TFB2M: variants seen among roughly 807,000 people sequenced by gnomAD.
The protein encoded by TFB2M is transcription factor B2, mitochondrial.
In TFB2M, 44 loss-of-function variants were observed where a neutral mutation model predicts 41.3. The observed-to-expected ratio is 1.07, with a 90% CI of 0.84 to 1.37. The LOEUF (loss-of-function observed/expected upper bound fraction) is 1.37, where lower values mean the gene tolerates loss of function less well. TFB2M is among the 40% of genes most tolerant of loss of function. The pLI, the probability that TFB2M is intolerant of heterozygous loss-of-function variation, is 0.00. For synonymous variants in TFB2M, 188 were observed against 176.8 expected (o/e 1.06, Z -0.50); for missense variants, 496 against 490.2 (o/e 1.01, Z -0.11).
At chr1:246,556,066 C>A (rs181460679) in intron 4 of TFB2M, among the ~76,000 whole-genome samples, 1 of 152,166 alleles carries the variant, frequency 6.6e-6, no homozygotes, top group African/African-American at 2.4e-5. Context: ...GCTGGGATTA[C>A]AGGAGTGAGC....
chr1:246,548,452 A>C lies in TFB2M; in HGVS notation c.858+93T>G. On this transcript the variant is annotated intron_variant, in intron 6 of 7. Transcript: ENST00000366514. ...GTTTCTAGATATTTTAAAATTAAAAAGTTAAATACAGACTACCAAATAGTC... is the reference window on the plus strand; with the variant it reads ...GTTTCTAGATATTTTAAAATTAAAACGTTAAATACAGACTACCAAATAGTC... The C allele has an allele frequency of 6.8e-6, 7 of 1,033,920 alleles. No individual in the cohort carries two copies. In the South Asian group the frequency reaches 1.1e-4, roughly 17 times the overall value. 64.0% of individuals were successfully genotyped at this position (1,033,920 alleles called of 1,614,324 possible). A position where few individuals can be genotyped will look rare whatever the true frequency, so the allele number is the denominator to read the frequency against.
intron 3 of TFB2M, 69 bp downstream of exon 3, chr1:246,557,312 A>C (rs1659349268): frequency 6.7e-7 from 1 of 1,486,296 alleles, no homozygotes; most frequent in Admixed American, 2.3e-5. Context: ...TTTCATCAAC[A>C]AATCAGTTAT....
At chr1:246,552,363 G>A (rs1254322877) in intron 4 of TFB2M, among the ~76,000 whole-genome samples, 1 of 152,200 alleles carries the variant, frequency 6.6e-6, no homozygotes, top group Admixed American at 6.5e-5. Flanking sequence ...CTCATAGCGA[G>A]ATCAAGGTTG....
In TFB2M at chr1:246,551,296, T is replaced by C; in HGVS notation, c.712A>G (p.Met238Val). Residue 238 changes from methionine to valine, a missense_variant, in exon 5 of 8, where the codon ATG (methionine) becomes GTG (valine). Coordinates refer to ENST00000366514, the MANE Select transcript of TFB2M (RefSeq NM_022366.3). ...AAGTCTGGATTTCCGGGATCTGCCA[T>C]TAGTTTCTAGTAAAAGGAAAATAAA... The part of the protein sequence containing the change: ...FIGEKEFQKL[M>V]ADPGNPDLYH... The C allele has an allele frequency of 6.2e-7, 1 of 1,610,032 alleles. No individual in the cohort carries two copies. Among genetic ancestry groups the C allele is most frequent in the South Asian group, 1.1e-5 (1 of 90,962 alleles).
In TFB2M at chr1:246,557,382, TG is replaced by T; in HGVS notation, c.554del (p.Ala185GlufsTer5). On this transcript the variant is annotated frameshift_variant and splice_region_variant, in exon 3 of 8. Coordinates refer to ENST00000366514, the MANE Select transcript of TFB2M (RefSeq NM_022366.3). LOFTEE classifies it high-confidence loss of function. ...GCTTTAGTAAATTCCAAAAATGACC[TG>T]CTGTCCAAGGAACTGCTTCTATTCC... is the stretch of plus-strand genomic sequence containing the variant. ...NLGIEAVPWT[A>X]DIPLKVVGMF... 1 of 1,609,406 alleles carries T rather than the reference TG, an allele frequency of 6.2e-7. No homozygotes were observed. Among genetic ancestry groups the T allele is most frequent in the Admixed American group, 1.7e-5 (1 of 58,698 alleles).
chr1:246,563,361 TG>T (rs1420002148), intron 2 of TFB2M, among the ~76,000 whole-genome samples: 3 of 152,116 alleles, frequency 2.0e-5, no homozygotes, highest in African/African-American at 7.2e-5. Flanking sequence ...CCCAGCACTT[TG>T]GGAGGCCAAG....
Position 246,565,910 on chromosome 1 carries a change from C to A in TFB2M, c.229G>T (p.Asp77Tyr), listed in dbSNP as rs1659650645. Residue 77 changes from aspartate to tyrosine, a missense_variant, in exon 1 of 8, where the codon GAT becomes TAT. By Grantham distance (160) the Asp-to-Tyr change is radical. Transcript: ENST00000366514. Reference sequence around the variant, plus strand: ...GCCAGGGTCTCAGCCAATCTCCGATCGGTTACGTAACGCTTAAAGTCTAAG... The same window carrying A: ...GCCAGGGTCTCAGCCAATCTCCGATAGGTTACGTAACGCTTAAAGTCTAAG... ...ASLDFKRYVT[D>Y]RRLAETLAQI... 2.5e-6 allele frequency: 4 copies of A among 1,613,744 alleles called. No homozygotes were observed. The South Asian group carries it at 4.4e-5, about 18-fold the overall frequency.
chr1:246,556,866 G>A, intron 3 of TFB2M, 145 bp from the exon 4 acceptor site: 1 of 717,508 alleles, frequency 1.4e-6, no homozygotes, highest in Non-Finnish European at 2.1e-6. Flanking sequence ...ATCTTTCCTT[G>A]GCATGAAACT....
intron 6 of TFB2M, among the ~76,000 whole-genome samples, chr1:246,545,487 G>C (rs1203586616): frequency 6.6e-6 from 1 of 151,880 alleles, no homozygotes; most frequent in African/African-American, 2.4e-5. Flanking sequence ...TGCACTCAAG[G>C]CTGGTTGACA....
intron 2 of TFB2M, among the ~76,000 whole-genome samples, chr1:246,558,447 C>A (rs557170938): frequency 6.6e-6 from 1 of 152,136 alleles, no homozygotes; most frequent in South Asian, 2.1e-4. Context: ...GCACCCGGCC[C>A]CACTTACTTT....
intron 7 of TFB2M, among the ~76,000 whole-genome samples, chr1:246,542,014 C>T (rs1270904892): frequency 6.6e-6 from 1 of 152,120 alleles, no homozygotes; most frequent in African/African-American, 2.4e-5. Flanking sequence ...GTGATATAGC[C>T]TATTACAGAC....
chr1:246,558,936 CA>C (rs1299074767), intron 2 of TFB2M, among the ~76,000 whole-genome samples: 2 of 151,044 alleles, frequency 1.3e-5, no homozygotes, highest in African/African-American at 4.9e-5. Flanking sequence ...AAAAAAAAAT[CA>C]GTAAGAAGGC....
chr1:246,543,882 C>T (rs1472655883), intron 7 of TFB2M, among the ~76,000 whole-genome samples: 1 of 151,742 alleles, frequency 6.6e-6, no homozygotes, highest in Non-Finnish European at 1.5e-5. Context: ...CCCAGCTACT[C>T]AGGAGGCTGA....
Position 246,541,129 on chromosome 1 carries a change from T to A in TFB2M, c.1093A>T (p.Met365Leu), listed in dbSNP as rs1298493905. Residue 365 changes from methionine to leucine, a missense_variant, in exon 8 of 8, where the codon ATG becomes TTG. Physicochemically the swap from Met to Leu is conservative, Grantham distance 15. Coordinates refer to ENST00000366514, the MANE Select transcript of TFB2M (RefSeq NM_022366.3). ...AGTGTTTTGAAGTCTTGAGGGTGCATGTTAACTACTTTCTCATCCTCCTGT... is the reference window on the plus strand; with the variant it reads ...AGTGTTTTGAAGTCTTGAGGGTGCAAGTTAACTACTTTCTCATCCTCCTGT... ...GKQEDEKVVN[M>L]HPQDFKTLFE... 1 of 1,614,042 alleles carries A rather than the reference T, an allele frequency of 6.2e-7. No homozygotes were observed. Among genetic ancestry groups the A allele is most frequent in the African/African-American group, 1.3e-5 (1 of 74,938 alleles).
intron 2 of TFB2M, among the ~76,000 whole-genome samples, chr1:246,560,906 G>A (rs2102990414): frequency 6.6e-6 from 1 of 152,292 alleles, no homozygotes; most frequent in East Asian, 1.9e-4. Context: ...GAGGTCAGGA[G>A]TTCCAGACCA....
At chr1:246,562,014 G>T (rs1053997177) in intron 2 of TFB2M, among the ~76,000 whole-genome samples, 3 of 152,078 alleles carry the variant, frequency 2.0e-5, no homozygotes, top group Admixed American at 6.5e-5. Flanking sequence ...GGACAATTAT[G>T]TGTTTTTTCT....
At chr1:246,564,471 A>G (rs1173095091) in intron 1 of TFB2M, 37 bp from the exon 2 acceptor site, 1 of 1,581,322 alleles carries the variant, frequency 6.3e-7, no homozygotes, top group South Asian at 1.1e-5. Context: ...TATTTGTACA[A>G]GAAACATAAT....
chr1:246,550,745 T>C (rs1435802340), intron 5 of TFB2M, among the ~76,000 whole-genome samples: 1 of 152,174 alleles, frequency 6.6e-6, no homozygotes, highest in African/African-American at 2.4e-5. Context: ...TAGCAAGGTG[T>C]GGCGGTGCAC....
At chr1:246,547,369 T>C (rs771323664) in intron 6 of TFB2M, among the ~76,000 whole-genome samples, 9 of 152,256 alleles carry the variant, frequency 5.9e-5, no homozygotes, top group African/African-American at 2.2e-4. Flanking sequence ...TACAGGATTG[T>C]TCATTTGTGG....
Sources: gnomAD v4.1 joint callset for allele counts (sites outside exome capture counted in the v4.1 genomes callset) on GRCh38, gnomAD v4.1.1 for gene constraint, MANE v1.5 for transcripts, NCBI Gene and HGNC (gene_info 2026-07-23, HGNC 2026-07-21) for gene names.